Variants in C2CD2 observed in about 807,000 individuals in gnomAD.
C2CD2 encodes the protein C2 domain-containing protein 2.
Under a neutral mutation model 74.3 loss-of-function variants are expected in C2CD2, and 43 were observed. That is an observed-to-expected ratio of 0.58 (90% CI 0.45 to 0.75). The LOEUF is 0.75. Ranked by LOEUF, C2CD2 falls within the 30% of genes least tolerant of loss-of-function variation. C2CD2 has a pLI of 0.00. For missense variants in C2CD2, 801 were observed against 916.3 expected, an observed-to-expected ratio of 0.87 and a Z score of 1.63; for synonymous variants, 422 against 390.7, an observed-to-expected ratio of 1.08 and a Z score of -0.94.
chr21:41,885,384 C>T lies in C2CD2; in HGVS notation c.*3740G>A, dbSNP rs1426123182. 1.3e-5 allele frequency: 2 copies of T among 152,612 alleles called. No homozygotes were observed. Among genetic ancestry groups the T allele is most frequent in the African/African-American group, 4.8e-5 (2 of 41,442 alleles). The allele number at this position is 152,612 out of a possible 1,614,324, so 9.5% of individuals were successfully genotyped here. Reference sequence around the variant, plus strand: ...AACATTGGTAGAGTAAACAACAAACCACAAGCCTAAATGATGAATGGTGCG... The same window carrying T: ...AACATTGGTAGAGTAAACAACAAACTACAAGCCTAAATGATGAATGGTGCG... On this transcript the variant is annotated 3_prime_UTR_variant, in exon 14 of 14. Transcript: ENST00000380486.
At chr21:41,905,293 A>C (rs2064946622) in intron 11 of C2CD2, among the ~76,000 whole-genome samples, 2 of 151,398 alleles carry the variant, frequency 1.3e-5, no homozygotes, top group African/African-American at 4.9e-5. Flanking sequence ...CATTAACAAA[A>C]CAAAAGCAAA....
chr21:41,921,434 A>G (rs2065152785), intron 3 of C2CD2, among the ~76,000 whole-genome samples: 1 of 152,252 alleles, frequency 6.6e-6, no homozygotes, highest in African/African-American at 2.4e-5. Flanking sequence ...CTCTCTCTAT[A>G]AAATTATAGA....
At position 41,888,956 on chromosome 21, in the gene C2CD2, TG is replaced by T. The variant is rs2146121492; in HGVS notation, c.*167del. On this transcript the variant is annotated 3_prime_UTR_variant, in exon 14 of 14. Transcript: ENST00000380486. ...TTTGTCCTCTCTGGGAGAAGCCTCC[TG>T]GCTGGAGACTCAGATTTTGTTTTCC... is the stretch of plus-strand genomic sequence containing the variant. 2 of 628,084 alleles carry T rather than the reference TG, an allele frequency of 3.2e-6. No homozygotes were observed. Among genetic ancestry groups the T allele is most frequent in the Non-Finnish European group, 5.6e-6 (2 of 356,354 alleles). The allele number at this position is 628,084 out of a possible 1,614,324, so 38.9% of individuals were successfully genotyped here. A position where few individuals can be genotyped will look rare whatever the true frequency, so the allele number is the denominator to read the frequency against.
chr21:41,904,618 G>A (rs144506177), intron 11 of C2CD2, among the ~76,000 whole-genome samples: 1,566 of 152,246 alleles, frequency 0.01, 80 homozygotes, highest in Admixed American at 0.088. Context: ...GGGACCCAGC[G>A]GGGTAGTATC....
chr21:41,912,710 C>T (rs1027102078), intron 6 of C2CD2, among the ~76,000 whole-genome samples: 17 of 152,094 alleles, frequency 1.1e-4, no homozygotes, highest in African/African-American at 3.6e-4. Flanking sequence ...AGGCTGGTCT[C>T]GAACTCCTGA....
rs571549748 is a variant in C2CD2 at position 41,939,197 on chromosome 21, G to A, written c.378+2950C>T. 7.9e-5 allele frequency among the ~76,000 whole-genome samples: 12 copies of A among 152,210 alleles called. No individual in the cohort carries two copies. The highest frequency in any genetic ancestry group is 6.2e-4 in the South Asian group (3 of 4,820). Reference sequence around the variant, plus strand: ...ATGGTCATGGCCATACAAATACGATGCTGTTTTTCACTTCTAATTTACATG... The same window carrying A: ...ATGGTCATGGCCATACAAATACGATACTGTTTTTCACTTCTAATTTACATG... On this transcript the variant is annotated intron_variant, in intron 2 of 13. Transcript: ENST00000380486. The surrounding 1 kb of genome is among the most constrained non-coding windows in gnomAD (Gnocchi z 5.5).
At chr21:41,941,008 T>TAAC (rs943787327) in intron 2 of C2CD2, among the ~76,000 whole-genome samples, 2 of 151,732 alleles carry the variant, frequency 1.3e-5, no homozygotes, top group Admixed American at 1.3e-4. Context: ...ATAATAATAA[T>TAAC]AACAACAGCA....
intron 1 of C2CD2, among the ~76,000 whole-genome samples, chr21:41,949,535 G>C (rs2065432800): frequency 6.6e-6 from 1 of 152,190 alleles, no homozygotes; most frequent in Non-Finnish European, 1.5e-5. Context: ...TATTTACACT[G>C]TTGGTGGGAG....
At chr21:41,928,096 C>T (rs1279439828) in intron 2 of C2CD2, among the ~76,000 whole-genome samples, 2 of 152,218 alleles carry the variant, frequency 1.3e-5, no homozygotes, top group African/African-American at 4.8e-5. Flanking sequence ...CACTAAAAGA[C>T]AAAATCAAGA....
chr21:41,950,971 G>A (rs911788693), intron 1 of C2CD2, among the ~76,000 whole-genome samples: 1 of 152,178 alleles, frequency 6.6e-6, no homozygotes, highest in African/African-American at 2.4e-5. Flanking sequence ...AGGAGGGGGA[G>A]CACTAAGCTG....
At chr21:41,949,242 T>C (rs1057480495) in intron 1 of C2CD2, among the ~76,000 whole-genome samples, 4 of 152,116 alleles carry the variant, frequency 2.6e-5, no homozygotes, top group African/African-American at 9.7e-5. Context: ...CAAGGGGATG[T>C]TGGGGGTGTA....
rs751032669 is a variant in C2CD2, at chr21:41,926,525, C to T, written c.379-4440G>A. 2.1e-5 allele frequency: 15 copies of T among 711,012 alleles called. No homozygotes were observed. Among genetic ancestry groups the T allele is most frequent in the Non-Finnish European group, 2.6e-5 (15 of 579,436 alleles). 44.0% of individuals were successfully genotyped at this position (711,012 alleles called of 1,614,324 possible). ...GCGGGGAGGCCTTCATTCACCTTCT[C>T]GGTGCTCTCTCCAGCCTCAACACCT... is the stretch of plus-strand genomic sequence containing the variant. On this transcript the variant is annotated intron_variant, in intron 2 of 13. Coordinates refer to ENST00000380486, the MANE Select transcript of C2CD2 (RefSeq NM_015500.2). This position sits in a 1 kb window ranked among gnomAD's most constrained non-coding sequence, Gnocchi z 8.0.
intron 13 of C2CD2, among the ~76,000 whole-genome samples, chr21:41,893,737 T>C (rs1310097099): frequency 1.1e-4 from 16 of 148,462 alleles, no homozygotes; most frequent in Non-Finnish European, 2.4e-4. Context: ...AGTCTCGCTC[T>C]GTCGCCCAGG....
At chr21:41,910,301 T>C (rs977006794) in intron 7 of C2CD2, among the ~76,000 whole-genome samples, 1 of 152,242 alleles carries the variant, frequency 6.6e-6, no homozygotes, top group Non-Finnish European at 1.5e-5. Flanking sequence ...GTCCCCACTA[T>C]TTCATAACTA....
chr21:41,907,946 TAA>T, intron 8 of C2CD2, 162 bp from the exon 9 acceptor site: 1 of 734,068 alleles, frequency 1.4e-6, no homozygotes, highest in Non-Finnish European at 2.3e-6. Context: ...GTCGATGCCA[TAA>T]AAGACAAAGA....
rs1253691010 is a variant in C2CD2 at position 41,923,415 on chromosome 21, A to C, written c.379-1330T>G. ...CCATTAGCCAAGTTCTTTTGCTAAAAATGAGTCTTAAAGAGAAAGTAAGTT... is the reference window on the plus strand; with the variant it reads ...CCATTAGCCAAGTTCTTTTGCTAAACATGAGTCTTAAAGAGAAAGTAAGTT... On this transcript the variant is annotated intron_variant, in intron 2 of 13. Transcript: ENST00000380486. This position sits in a 1 kb window ranked among gnomAD's most constrained non-coding sequence, Gnocchi z 5.8. Among the ~76,000 whole-genome samples, 3 of 152,236 alleles carry C rather than the reference A, an allele frequency of 2.0e-5. No individual in the cohort carries two copies.
At chr21:41,901,033 T>C (rs987918798) in intron 12 of C2CD2, 1 of 152,294 alleles carries the variant, frequency 6.6e-6, no homozygotes, top group Non-Finnish European at 1.5e-5. Flanking sequence ...AAAAATGTAA[T>C]AAAAAGAGTA....
intron 12 of C2CD2, among the ~76,000 whole-genome samples, chr21:41,900,315 G>A (rs1406781773): frequency 6.6e-6 from 1 of 152,174 alleles, no homozygotes; most frequent in Non-Finnish European, 1.5e-5. Context: ...GATAATCTGA[G>A]CACCAATAAA....
rs149070796 is a variant in C2CD2 at position 41,909,429 on chromosome 21, G to A, written c.1018+30C>T. On this transcript the variant is annotated intron_variant, in intron 8 of 13. Transcript: ENST00000380486. The stretch of plus-strand genomic sequence containing the variant: ...ATGCAGCGGAGGACCTTTCCAGAGG[G>A]CGAGGCCTCTGTCCTCCTGCTCAAC... The A allele has an allele frequency of 4.2e-3, 6,375 of 1,535,572 alleles. 28 individuals are homozygous for A. Among genetic ancestry groups the A allele is most frequent in the Middle Eastern group, 0.021 (122 of 5,852 alleles).
Sources: allele counts gnomAD v4.1 joint callset (sites outside exome capture counted in the v4.1 genomes callset), GRCh38; gene constraint gnomAD v4.1.1; non-coding constraint Gnocchi (gnomAD v3.1); transcripts MANE v1.5; gene names NCBI Gene and HGNC (gene_info 2026-07-23, HGNC 2026-07-21).